The following NSUN3 variants were observed in gnomAD, a reference collection of about 807,000 sequenced individuals.
NSUN3 encodes the protein tRNA (cytosine(34)-C(5))-methyltransferase, mitochondrial.
A neutral mutation model predicts 36.8 loss-of-function variants in NSUN3; 24 were observed. The observed-to-expected ratio is 0.65, with a 90% CI of 0.47 to 0.92. The LOEUF is 0.92. Among genes scored for constraint, NSUN3 ranks in the 40% least tolerant of loss-of-function variants. The pLI is 0.00. For missense variants in NSUN3, 381 were observed against 392.8 expected, an observed-to-expected ratio of 0.97 and a Z score of 0.25; for synonymous variants, 146 against 145.2, an observed-to-expected ratio of 1.01 and a Z score of -0.04.
At chr3:94,068,760 T>A in intron 2 of NSUN3, among the ~76,000 whole-genome samples, 1 of 142,696 alleles carries the variant, frequency 7.0e-6, no homozygotes, top group Non-Finnish European at 1.5e-5. Context: ...TGACCGAGAG[T>A]TCACATACAG....
Position 94,127,233 on chromosome 3 carries a change from G to A in NSUN3, c.*743G>A, listed in dbSNP as rs1036440108. The stretch of plus-strand genomic sequence containing the variant: ...TGGAGTCTATCCAGCAGGCTATAAA[G>A]CAAGTACTTGAGACAAAACCGGAAT... On this transcript the variant is annotated 3_prime_UTR_variant, in exon 6 of 6. Coordinates refer to ENST00000314622, the MANE Select transcript of NSUN3 (RefSeq NM_022072.5). 6.6e-6 allele frequency: 1 copy of A among 152,142 alleles called. No individual in the cohort carries two copies. Among genetic ancestry groups the A allele is most frequent in the Admixed American group, 6.5e-5 (1 of 15,274 alleles). The allele number at this position is 152,142 out of a possible 1,614,324, so 9.4% of individuals were successfully genotyped here.
At chr3:94,072,968 G>A (rs772829433) in intron 2 of NSUN3, among the ~76,000 whole-genome samples, 14 of 151,920 alleles carry the variant, frequency 9.2e-5, no homozygotes, top group Admixed American at 6.6e-4. Flanking sequence ...CTCACCACCC[G>A]ACAGGCCCTG....
At chr3:94,064,694 A>G in intron 2 of NSUN3, 148 bp downstream of exon 2, 1 of 555,562 alleles carries the variant, frequency 1.8e-6, no homozygotes, top group Non-Finnish European at 3.2e-6. Context: ...AGGAACAACT[A>G]AGAAGAAATA....
At chr3:94,095,476 GA>G (rs2077333994) in intron 5 of NSUN3, among the ~76,000 whole-genome samples, 1 of 152,186 alleles carries the variant, frequency 6.6e-6, no homozygotes, top group Non-Finnish European at 1.5e-5. Flanking sequence ...TCTTTTACCA[GA>G]ATCTGAGCAG....
chr3:94,088,697 G>A (rs2077302716), intron 3 of NSUN3, among the ~76,000 whole-genome samples: 1 of 141,672 alleles, frequency 7.1e-6, no homozygotes, highest in African/African-American at 2.6e-5. Context: ...TTTAGACATA[G>A]AGTCTCTCTC....
At chr3:94,121,494 G>A (rs1254554558) in intron 5 of NSUN3, among the ~76,000 whole-genome samples, 1 of 152,164 alleles carries the variant, frequency 6.6e-6, no homozygotes. Flanking sequence ...CTGGGGATTA[G>A]GATGTGGACA....
At chr3:94,110,450 T>C (rs1242769421) in intron 5 of NSUN3, among the ~76,000 whole-genome samples, 2 of 152,154 alleles carry the variant, frequency 1.3e-5, no homozygotes, top group Non-Finnish European at 2.9e-5. Context: ...GAATTCTCAG[T>C]AGGCTTGGAT....
intron 5 of NSUN3, among the ~76,000 whole-genome samples, chr3:94,099,060 G>A (rs1560036742): frequency 6.6e-6 from 1 of 152,054 alleles, no homozygotes; most frequent in Non-Finnish European, 1.5e-5. Context: ...TATTACACGG[G>A]TTGAGTATTT....
intron 1 of NSUN3, 47 bp from the exon 2 acceptor site, chr3:94,064,390 A>C: frequency 8.7e-7 from 1 of 1,154,694 alleles, no homozygotes; most frequent in Non-Finnish European, 1.3e-6. Flanking sequence ...ACGTTCAGTA[A>C]ATTTGTAATA....
intron 2 of NSUN3, among the ~76,000 whole-genome samples, chr3:94,083,363 G>A (rs968857642): frequency 2.0e-5 from 3 of 152,180 alleles, no homozygotes; most frequent in African/African-American, 7.2e-5. Flanking sequence ...CACAGTGTGA[G>A]AATGGCCACA....
intron 5 of NSUN3, among the ~76,000 whole-genome samples, chr3:94,101,704 T>C (rs1353197987): frequency 4.6e-5 from 7 of 152,220 alleles, no homozygotes. Context: ...AAAGTATGCC[T>C]TTATTATCAT....
At chr3:94,103,308 G>A (rs1459765040) in intron 5 of NSUN3, among the ~76,000 whole-genome samples, 2 of 152,044 alleles carry the variant, frequency 1.3e-5, no homozygotes, top group Non-Finnish European at 2.9e-5. Flanking sequence ...ACCTATAATA[G>A]AGAGAACAGT....
chr3:94,123,706 C>T (rs1263767980), intron 5 of NSUN3, among the ~76,000 whole-genome samples: 1 of 152,148 alleles, frequency 6.6e-6, no homozygotes, highest in South Asian at 2.1e-4. Flanking sequence ...CTGACCTCCG[C>T]TTTCCTTGAA....
chr3:94,080,281 GT>G (rs1341019271), intron 2 of NSUN3, among the ~76,000 whole-genome samples: 1 of 152,150 alleles, frequency 6.6e-6, no homozygotes, highest in Non-Finnish European at 1.5e-5. Flanking sequence ...GTTCTGTCCT[GT>G]TTTGTCCCAG....
chr3:94,095,925 T>G (rs954714306), intron 5 of NSUN3, among the ~76,000 whole-genome samples: 22 of 151,098 alleles, frequency 1.5e-4, no homozygotes, highest in African/African-American at 4.9e-4. Context: ...TTTTTTTTTT[T>G]TTTTTTTGTA....
At chr3:94,100,715 A>G (rs921035168) in intron 5 of NSUN3, among the ~76,000 whole-genome samples, 5 of 152,216 alleles carry the variant, frequency 3.3e-5, no homozygotes, top group South Asian at 2.1e-4. Flanking sequence ...AGACCAAGAT[A>G]TCACATTATA....
At chr3:94,108,795 A>G (rs1162143800) in intron 5 of NSUN3, among the ~76,000 whole-genome samples, 1 of 152,276 alleles carries the variant, frequency 6.6e-6, no homozygotes, top group African/African-American at 2.4e-5. Flanking sequence ...CCTCCCAAGT[A>G]GCTGAGATTA....
intron 5 of NSUN3, among the ~76,000 whole-genome samples, chr3:94,111,212 TA>T (rs965099927): frequency 6.6e-6 from 1 of 151,940 alleles, no homozygotes; most frequent in Admixed American, 6.6e-5. Context: ...CTATAAAAGA[TA>T]AAAAAATTGT....
chr3:94,100,107 G>A (rs2077358957), intron 5 of NSUN3, among the ~76,000 whole-genome samples: 1 of 152,162 alleles, frequency 6.6e-6, no homozygotes, highest in African/African-American at 2.4e-5. Flanking sequence ...AACAAATATT[G>A]TCTGGCCCCA....
Sources: gnomAD v4.1 joint callset for allele counts (sites outside exome capture counted in the v4.1 genomes callset) on GRCh38, gnomAD v4.1.1 for gene constraint, MANE v1.5 for transcripts, NCBI Gene and HGNC (gene_info 2026-07-23, HGNC 2026-07-21) for gene names.